The following DOCK3 variants were observed in gnomAD, a reference collection of about 807,000 sequenced individuals.
DOCK3 encodes dedicator of cytokinesis protein 3.
Under a neutral mutation model 265.6 loss-of-function variants are expected in DOCK3, and 60 were observed. The ratio of observed to expected loss-of-function variants is 0.23; its 90% CI spans 0.18 to 0.28. The LOEUF is 0.28. Ranked by LOEUF, DOCK3 falls within the 10% of genes least tolerant of loss-of-function variation. The pLI is 1.00. For synonymous variants in DOCK3, 881 were observed against 938.0 expected, an observed-to-expected ratio of 0.94 and a Z score of 1.11; for missense variants, 1,981 against 2,594.3, an observed-to-expected ratio of 0.76 and a Z score of 5.14.
chr3:51,061,038 C>T (rs534328715), intron 5 of DOCK3, among the ~76,000 whole-genome samples: 18 of 152,136 alleles, frequency 1.2e-4, no homozygotes, highest in South Asian at 6.2e-4. Flanking sequence ...GTTAGAATGG[C>T]GATCATTAAA....
rs1279395674 is a variant in DOCK3 at position 51,225,778 on chromosome 3, G to A, written c.1377+5G>A. On this transcript the variant is annotated splice_donor_5th_base_variant and intron_variant, in intron 15 of 52. Transcript: ENST00000266037. ...GCAGATGGAGAAATCTTGAAGGTAAGGCTTGCCAGTCAGTCATTTGGGTTG... is the reference window on the plus strand; with the variant it reads ...GCAGATGGAGAAATCTTGAAGGTAAAGCTTGCCAGTCAGTCATTTGGGTTG... 2 of 1,609,424 alleles carry A rather than the reference G, an allele frequency of 1.2e-6. No homozygotes were observed. Among genetic ancestry groups the A allele is most frequent in the South Asian group, 2.2e-5 (2 of 90,292 alleles).
chr3:50,952,200 T>C (rs949230937), intron 5 of DOCK3, among the ~76,000 whole-genome samples: 1 of 152,124 alleles, frequency 6.6e-6, no homozygotes, highest in Non-Finnish European at 1.5e-5. Context: ...GACAGCAGCA[T>C]ATTAAAAAGG....
chr3:51,322,451 C>T (rs986113106), intron 32 of DOCK3, among the ~76,000 whole-genome samples: 1 of 152,158 alleles, frequency 6.6e-6, no homozygotes, highest in Admixed American at 6.6e-5. Context: ...GATCTGCCCA[C>T]CTCAGCCTCC....
intron 49 of DOCK3, among the ~76,000 whole-genome samples, chr3:51,368,030 G>A (rs2087372127): frequency 6.6e-6 from 1 of 152,178 alleles, no homozygotes; most frequent in Non-Finnish European, 1.5e-5. Context: ...GAATTTGAAT[G>A]TTGGCCTGCC....
intron 2 of DOCK3, chr3:50,787,864 A>C: frequency 9.2e-7 from 1 of 1,084,878 alleles, no homozygotes; most frequent in South Asian, 1.3e-5. Flanking sequence ...TGGATTGAGA[A>C]GAGGTACCCT....
intron 1 of DOCK3, among the ~76,000 whole-genome samples, chr3:50,742,191 T>C (rs2039088390): frequency 6.6e-6 from 1 of 152,074 alleles, no homozygotes; most frequent in Non-Finnish European, 1.5e-5. Context: ...CAAAAACCGA[T>C]CTGTACATCA....
At chr3:50,681,758 C>T (rs924963647) in intron 1 of DOCK3, among the ~76,000 whole-genome samples, 6 of 152,226 alleles carry the variant, frequency 3.9e-5, no homozygotes, top group Non-Finnish European at 8.8e-5. Flanking sequence ...TCCCATCCTC[C>T]TACTTTAATA....
At chr3:51,188,053 C>T (rs2087721992) in intron 12 of DOCK3, among the ~76,000 whole-genome samples, 1 of 152,180 alleles carries the variant, frequency 6.6e-6, no homozygotes, top group South Asian at 2.1e-4. Flanking sequence ...AAGAGCTAGA[C>T]TCAGGATGAA....
At chr3:51,278,234 A>G (rs1319295372) in intron 26 of DOCK3, 1 of 985,372 alleles carries the variant, frequency 1.0e-6, no homozygotes, top group Non-Finnish European at 1.2e-6. Flanking sequence ...GAAAAATATG[A>G]TGAGGTAAAT....
intron 2 of DOCK3, among the ~76,000 whole-genome samples, chr3:50,814,114 A>G (rs1029998915): frequency 6.6e-6 from 1 of 152,152 alleles, no homozygotes; most frequent in Admixed American, 6.5e-5. Flanking sequence ...AGATTTTAAA[A>G]TAAAACTTTC....
At chr3:50,851,045 C>G (rs566351698) in intron 3 of DOCK3, among the ~76,000 whole-genome samples, 1 of 152,314 alleles carries the variant, frequency 6.6e-6, no homozygotes, top group South Asian at 2.1e-4. Flanking sequence ...AGTGCTGGCA[C>G]AAGCACCAGC....
At chr3:50,992,528 C>T (rs1484135224) in intron 5 of DOCK3, among the ~76,000 whole-genome samples, 1 of 152,168 alleles carries the variant, frequency 6.6e-6, no homozygotes. Flanking sequence ...AACTCCTGAC[C>T]TCAGGTGATC....
intron 27 of DOCK3, among the ~76,000 whole-genome samples, chr3:51,291,079 A>G (rs902416660): frequency 1.3e-5 from 2 of 152,216 alleles, no homozygotes; most frequent in Non-Finnish European, 2.9e-5. Context: ...CTCTATCTCA[A>G]AAATAAAAAT....
chr3:50,877,558 A>G, intron 3 of DOCK3: 1 of 519,836 alleles, frequency 1.9e-6, no homozygotes, highest in South Asian at 1.4e-5. Context: ...GACATACAGA[A>G]TGGTCAAGCG....
chr3:51,225,361 G>A (rs1272594217), intron 14 of DOCK3, among the ~76,000 whole-genome samples: 2 of 152,158 alleles, frequency 1.3e-5, no homozygotes, highest in Non-Finnish European at 2.9e-5. Context: ...CCATTCTCCT[G>A]GAGGGGAGAA....
rs777151434 is a variant in DOCK3 at position 51,270,950 on chromosome 3, G to A, written c.2491G>A (p.Val831Met). 9 of 1,614,004 alleles carry A rather than the reference G, an allele frequency of 5.6e-6. No homozygotes were observed. The highest frequency in any genetic ancestry group is 7.6e-6 in the Non-Finnish European group (9 of 1,179,896). Residue 831 changes from valine to methionine, a missense_variant, in exon 24 of 53, where the codon GTG becomes ATG. Val to Met is a conservative substitution (Grantham distance 21). Around this residue, in one of 4 missense-constraint regions of DOCK3, gnomAD observed 1,357 missense variants for 1,866.8 expected, o/e 0.73. Transcript: ENST00000266037. ...STVHIGQSMD[V>M]VKLQSIARTV... is the part of the protein sequence containing the mutation. ...TGTGCACATTGGGCAGTCAATGGAC[G>A]TGGTCAAGCTGCAGTCCATTGCCAG...
intron 14 of DOCK3, among the ~76,000 whole-genome samples, chr3:51,222,419 A>G (rs1459215203): frequency 6.6e-6 from 1 of 152,126 alleles, no homozygotes; most frequent in Non-Finnish European, 1.5e-5. Context: ...AGCTTTTCAC[A>G]TTTGCTTCTG....
intron 5 of DOCK3, among the ~76,000 whole-genome samples, chr3:51,037,952 A>T (rs1320839535): frequency 6.6e-6 from 1 of 152,200 alleles, no homozygotes; most frequent in African/African-American, 2.4e-5. Context: ...AACAATTGAA[A>T]CATAGAAAAA....
At chr3:51,080,991 T>G (rs180962341) in intron 7 of DOCK3, among the ~76,000 whole-genome samples, 130 of 152,232 alleles carry the variant, frequency 8.5e-4, no homozygotes, top group Non-Finnish European at 1.6e-3. Flanking sequence ...TTTGCCCAGC[T>G]GGTGGAGACT....
Sources: allele counts gnomAD v4.1 joint callset (sites outside exome capture counted in the v4.1 genomes callset), GRCh38; gene constraint gnomAD v4.1.1; regional missense constraint gnomAD v4.1.1; transcripts MANE v1.5; gene names NCBI Gene and HGNC (gene_info 2026-07-23, HGNC 2026-07-21).